Variants in ATG7 observed in about 807,000 individuals in gnomAD.
ATG7 encodes the protein autophagy related 7.
Under a neutral mutation model 82.4 loss-of-function variants are expected in ATG7, and 70 were observed. The observed-to-expected ratio is 0.85, with a 90% CI of 0.70 to 1.04. ATG7 has a LOEUF of 1.04. Among genes scored for constraint, ATG7 ranks in the 50% least tolerant of loss-of-function variants. The pLI, the probability that ATG7 is intolerant of heterozygous loss-of-function variation, is 0.00. For missense variants in ATG7, 792 were observed against 864.3 expected, an observed-to-expected ratio of 0.92 and a Z score of 1.05; for synonymous variants, 287 against 313.0, an observed-to-expected ratio of 0.92 and a Z score of 0.88.
intron 20 of ATG7, among the ~76,000 whole-genome samples, chr3:11,544,393 C>T (rs997278961): frequency 2.0e-5 from 3 of 152,240 alleles, no homozygotes; most frequent in Non-Finnish European, 4.4e-5. Flanking sequence ...TACTGCCTTG[C>T]AGAGCACCCT....
At chr3:11,369,132 A>G (rs1473978995) in intron 18 of ATG7, among the ~76,000 whole-genome samples, 1 of 150,882 alleles carries the variant, frequency 6.6e-6, no homozygotes, top group Admixed American at 6.6e-5. Flanking sequence ...GTGTCCCCCA[A>G]ATCCTCAAGC....
chr3:11,363,013 T>C, intron 17 of ATG7, 85 bp downstream of exon 17: 1 of 1,199,494 alleles, frequency 8.3e-7, no homozygotes, highest in South Asian at 1.4e-5. Flanking sequence ...CTTTTCTCAG[T>C]CTGACTTTAC....
chr3:11,478,989 A>AACACACACACACACACAC (rs71628717), intron 20 of ATG7, among the ~76,000 whole-genome samples: 11 of 73,126 alleles, frequency 1.5e-4, no homozygotes, highest in Non-Finnish European at 1.9e-4. Context: ...GTATATTTAC[A>AACACACACACACACACAC]ACACACACAC....
chr3:11,448,132 C>T (rs920782722), intron 20 of ATG7, among the ~76,000 whole-genome samples: 1 of 152,170 alleles, frequency 6.6e-6, no homozygotes, highest in Non-Finnish European at 1.5e-5. Context: ...CTCACCTAAC[C>T]ACAGATACCA....
the ATG7 span, chr3:11,564,822 G>A: frequency 1.3e-6 from 2 of 1,583,944 alleles, no homozygotes; most frequent in African/African-American, 1.3e-5. Context: ...CGGGGTCAGT[G>A]TGGGCGAGAG....
chr3:11,545,616 C>CGCCAGCCCT (rs2071213450), intron 20 of ATG7, among the ~76,000 whole-genome samples: 2 of 151,988 alleles, frequency 1.3e-5, no homozygotes, highest in South Asian at 4.1e-4. Flanking sequence ...TTGGCAGCCC[C>CGCCAGCCCT]GCCAGCCCTG....
At chr3:11,433,289 T>TA (rs56859088) in intron 20 of ATG7, among the ~76,000 whole-genome samples, 8,133 of 83,754 alleles carry the variant, frequency 0.097, 803 homozygotes, top group Non-Finnish European at 0.14. Flanking sequence ...GTCTCTTATT[T>TA]AAAAAAAAAA....
intron 20 of ATG7, chr3:11,446,609 A>G (rs1335061704): frequency 2.7e-6 from 1 of 371,904 alleles, no homozygotes; most frequent in Non-Finnish European, 5.2e-6. Flanking sequence ...AATGAGGCAC[A>G]TGATACATCA....
intron 20 of ATG7, among the ~76,000 whole-genome samples, chr3:11,440,616 G>T (rs553773509): frequency 1.4e-5 from 2 of 142,004 alleles, no homozygotes; most frequent in East Asian, 2.3e-4. Context: ...GAGCCACCGC[G>T]CCCGGCCTTT....
intron 19 of ATG7, among the ~76,000 whole-genome samples, chr3:11,391,320 T>C (rs2078785232): frequency 6.6e-6 from 1 of 152,196 alleles, no homozygotes; most frequent in Non-Finnish European, 1.5e-5. Flanking sequence ...TTAACCTAAA[T>C]GAAGCTGAGG....
chr3:11,392,265 G>C (rs2078873483), intron 19 of ATG7, among the ~76,000 whole-genome samples: 1 of 152,042 alleles, frequency 6.6e-6, no homozygotes, highest in Non-Finnish European at 1.5e-5. Context: ...AGTATTTTAA[G>C]AAACATTTGG....
At chr3:11,347,496 T>A (rs1397381841) in intron 13 of ATG7, among the ~76,000 whole-genome samples, 1 of 152,236 alleles carries the variant, frequency 6.6e-6, no homozygotes, top group Non-Finnish European at 1.5e-5. Flanking sequence ...TTGTTATTTA[T>A]ACTTAATTAT....
intron 1 of ATG7, among the ~76,000 whole-genome samples, chr3:11,279,735 C>G (rs1345248628): frequency 6.6e-6 from 1 of 151,958 alleles, no homozygotes; most frequent in Non-Finnish European, 1.5e-5. Context: ...ACAAAAAAAC[C>G]CCACCTTGGC....
At chr3:11,360,128 C>T (rs2076194184) in intron 15 of ATG7, among the ~76,000 whole-genome samples, 1 of 152,238 alleles carries the variant, frequency 6.6e-6, no homozygotes, top group Non-Finnish European at 1.5e-5. Context: ...TCACTGCAAA[C>T]TCCATCTCCC....
intron 20 of ATG7, among the ~76,000 whole-genome samples, chr3:11,433,730 T>C (rs1183269220): frequency 6.6e-6 from 1 of 152,210 alleles, no homozygotes; most frequent in Non-Finnish European, 1.5e-5. Flanking sequence ...TATTTGATGT[T>C]GTACCATGCA....
At chr3:11,399,666 C>T (rs553119189) in intron 19 of ATG7, among the ~76,000 whole-genome samples, 4 of 152,232 alleles carry the variant, frequency 2.6e-5, no homozygotes, top group African/African-American at 9.6e-5. Context: ...CCTCCACTTC[C>T]CGGGCTCAGA....
chr3:11,323,806 A>T (rs914095594), intron 9 of ATG7, among the ~76,000 whole-genome samples: 1 of 152,202 alleles, frequency 6.6e-6, no homozygotes, highest in African/African-American at 2.4e-5. Context: ...TGTGACTTTG[A>T]AGTGCATTAG....
Position 11,433,874 on chromosome 3 carries a change from A to G in ATG7, c.2079+6948A>G, listed in dbSNP as rs147054028. Among the ~76,000 whole-genome samples, 163 of 152,358 alleles carry G rather than the reference A, an allele frequency of 1.1e-3. 3 individuals are homozygous for G. The highest frequency in any genetic ancestry group is 5.9e-4 in the Admixed American group (9 of 15,304). Reference sequence around the variant, plus strand: ...ATCATCTAAAAAGAAAGCAACAACCATAACATAGGCTATAAAATCATAAAC... The same window carrying G: ...ATCATCTAAAAAGAAAGCAACAACCGTAACATAGGCTATAAAATCATAAAC... On this transcript the variant is annotated intron_variant, in intron 20 of 20. Transcript: ENST00000693202.
chr3:11,411,118 T>A (rs1189527873), intron 19 of ATG7, among the ~76,000 whole-genome samples: 1 of 152,198 alleles, frequency 6.6e-6, no homozygotes, highest in African/African-American at 2.4e-5. Context: ...TTTTTCTTTT[T>A]CGTTGTAAAA....
Sources: allele counts gnomAD v4.1 joint callset (sites outside exome capture counted in the v4.1 genomes callset), GRCh38; gene constraint gnomAD v4.1.1; transcripts MANE v1.5; gene names NCBI Gene and HGNC (gene_info 2026-07-23, HGNC 2026-07-21).